Variants in ZNF732 observed in about 807,000 individuals in gnomAD.
ZNF732 encodes zinc finger protein 732, also known as zinc finger protein LOC654254.
Under a neutral mutation model 11.5 loss-of-function variants are expected in ZNF732, and 12 were observed. The observed-to-expected ratio is 1.05, with a 90% CI of 0.67 to 1.70. The LOEUF is 1.70. Among genes scored for constraint, ZNF732 ranks in the 40% most tolerant of loss-of-function variants. The pLI is 0.00. For missense variants in ZNF732, 702 were observed against 676.9 expected (o/e 1.04, Z -0.41); for synonymous variants, 231 against 236.5 (o/e 0.98, Z 0.21).
At chr4:295,347 C>T in intron 3 of ZNF732, 91 bp downstream of exon 3, 2 of 1,010,230 alleles carry the variant, frequency 2.0e-6, no homozygotes, top group Non-Finnish European at 2.9e-6. Context: ...TTCACTGGAG[C>T]AGAGCTTCCC....
chr4:303,141 C>T (rs145537558), intron 1 of ZNF732, among the ~76,000 whole-genome samples: 1,659 of 152,284 alleles, frequency 0.011, 24 homozygotes, highest in Non-Finnish European at 0.02. Flanking sequence ...ATCTTAAAGC[C>T]CCTGCACCTG....
chr4:295,585 T>C lies in ZNF732; in HGVS notation c.131-52A>G. Reference sequence around the variant, plus strand: ...TACTGTTAGGGATTCTCCAATTACCTACCTAATACTATACTAAGTAGAAAA... The same window carrying C: ...TACTGTTAGGGATTCTCCAATTACCCACCTAATACTATACTAAGTAGAAAA... On this transcript the variant is annotated intron_variant, in intron 2 of 3. Coordinates refer to ENST00000419098, the MANE Select transcript of ZNF732 (RefSeq NM_001137608.3). The C allele has an allele frequency of 8.6e-6, 12 of 1,390,000 alleles. No individual in the cohort carries two copies. The South Asian group carries it at 1.1e-4, about 13-fold the overall frequency. The allele number at this position is 1,390,000 out of a possible 1,614,324, so 86.1% of individuals were successfully genotyped here. A position where few individuals can be genotyped will look rare whatever the true frequency, so the allele number is the denominator to read the frequency against.
chr4:300,173 C>G (rs1553843405), intron 1 of ZNF732, among the ~76,000 whole-genome samples: 1 of 150,676 alleles, frequency 6.6e-6, no homozygotes, highest in African/African-American at 2.4e-5. Flanking sequence ...TAATTTATAG[C>G]CATTTGTGGC....
At chr4:284,178 T>C (rs1719677720) in intron 3 of ZNF732, among the ~76,000 whole-genome samples, 1 of 152,264 alleles carries the variant, frequency 6.6e-6, no homozygotes, top group Admixed American at 6.5e-5. Flanking sequence ...CCCAAAGTGC[T>C]GGGATTATAG....
chr4:297,695 T>TA (rs1719983268), intron 1 of ZNF732, among the ~76,000 whole-genome samples: 1 of 151,090 alleles, frequency 6.6e-6, no homozygotes. Flanking sequence ...TTTAATTTTA[T>TA]AAAAAAGAAT....
intron 1 of ZNF732, among the ~76,000 whole-genome samples, chr4:302,021 T>G (rs1398986529): frequency 2.6e-5 from 4 of 152,210 alleles, no homozygotes; most frequent in Non-Finnish European, 5.9e-5. Flanking sequence ...AATAACTGAT[T>G]GCAGTACTAA....
At chr4:284,406 T>TGTAAC (rs1205471875) in intron 3 of ZNF732, among the ~76,000 whole-genome samples, 4 of 151,982 alleles carry the variant, frequency 2.6e-5, no homozygotes, top group African/African-American at 9.7e-5. Flanking sequence ...ATATCAAAAG[T>TGTAAC]AGAATGTAAC....
At chr4:301,741 A>G (rs1267435136) in intron 1 of ZNF732, among the ~76,000 whole-genome samples, 2 of 152,210 alleles carry the variant, frequency 1.3e-5, no homozygotes, top group East Asian at 3.8e-4. Context: ...GTGGGGAGGG[A>G]CAGCATTAGG....
chr4:299,273 A>G (rs1380491260), intron 1 of ZNF732, among the ~76,000 whole-genome samples: 3 of 151,342 alleles, frequency 2.0e-5, no homozygotes, highest in Non-Finnish European at 4.4e-5. Flanking sequence ...TATTTGGGCC[A>G]AAACTTGAAG....
chr4:273,080 G>A (rs1415823215), intron 3 of ZNF732, among the ~76,000 whole-genome samples: 3 of 152,066 alleles, frequency 2.0e-5, no homozygotes, highest in African/African-American at 7.2e-5. Flanking sequence ...GAAAGAAATG[G>A]TGATATACTT....
At position 305,421 on chromosome 4, in the gene ZNF732, G is replaced by A. The variant is rs542983184; in HGVS notation, c.-111C>T. On this transcript the variant is annotated 5_prime_UTR_variant, in exon 1 of 4. Coordinates refer to ENST00000419098, the MANE Select transcript of ZNF732 (RefSeq NM_001137608.3). ...ACCGAATCACCGACGCCTCCCTGAG[G>A]GGTGAAAGCACGGCCGTGGAGACCC... The A allele has an allele frequency of 4.8e-5, 72 of 1,504,388 alleles. No individual in the cohort carries two copies. Among genetic ancestry groups the A allele is most frequent in the Admixed American group, 2.7e-4 (15 of 55,590 alleles). 93.2% of individuals were successfully genotyped at this position (1,504,388 alleles called of 1,614,324 possible).
intron 1 of ZNF732, among the ~76,000 whole-genome samples, chr4:298,212 C>G (rs10005733): frequency 0.22 from 32,687 of 151,936 alleles, 3,732 homozygotes; most frequent in South Asian, 0.35. Context: ...GGGAAGTAAC[C>G]CAAATGAAGC....
chr4:291,848 T>C (rs1003437273), intron 3 of ZNF732, among the ~76,000 whole-genome samples: 3 of 152,182 alleles, frequency 2.0e-5, no homozygotes, highest in Non-Finnish European at 2.9e-5. Flanking sequence ...CAAAAGAGTA[T>C]GGTATGTGCA....
Position 305,432 on chromosome 4 carries a change from C to G in ZNF732, c.-122G>C. On this transcript the variant is annotated 5_prime_UTR_variant, in exon 1 of 4. Coordinates refer to ENST00000419098, the MANE Select transcript of ZNF732 (RefSeq NM_001137608.3). ...GACGCCTCCCTGAGGGGTGAAAGCA[C>G]GGCCGTGGAGACCCTAACCGAGCTC... 7.0e-6 allele frequency: 10 copies of G among 1,434,314 alleles called. No individual in the cohort carries two copies. Among genetic ancestry groups the G allele is most frequent in the Non-Finnish European group, 9.6e-6 (10 of 1,045,072 alleles). The allele number at this position is 1,434,314 out of a possible 1,614,324, so 88.8% of individuals were successfully genotyped here.
At position 271,625 on chromosome 4, in the gene ZNF732, A is replaced by G. The variant is rs61792074; in HGVS notation, c.1232T>C (p.Ile411Thr). The G allele has an allele frequency of 6.2e-7, 1 of 1,611,704 alleles. No homozygotes were observed. The highest frequency in any genetic ancestry group is 8.5e-7 in the Non-Finnish European group (1 of 1,178,744). ...TTTGTGGGGCCTCTCTCCAGTATGAATTCTCTTATGTTCATTAAGGGTTGT... is the reference window on the plus strand; with the variant it reads ...TTTGTGGGGCCTCTCTCCAGTATGAGTTCTCTTATGTTCATTAAGGGTTGT... Reference protein sequence around the residue: ...RFTTLNEHKRIHTGERPHKCE... With the variant: ...RFTTLNEHKRTHTGERPHKCE... The change falls in exon 4 of 4, where the codon ATT becomes ACT. Residue 411 changes from isoleucine to threonine, a missense_variant. Transcript: ENST00000419098.
At chr4:289,131 T>G (rs899292423) in intron 3 of ZNF732, among the ~76,000 whole-genome samples, 5 of 152,178 alleles carry the variant, frequency 3.3e-5, no homozygotes, top group African/African-American at 1.2e-4. Flanking sequence ...GGAGCAAGTG[T>G]GTGGAAGAAG....
At chr4:298,484 G>A (rs1720009797) in intron 1 of ZNF732, among the ~76,000 whole-genome samples, 1 of 152,146 alleles carries the variant, frequency 6.6e-6, no homozygotes, top group Non-Finnish European at 1.5e-5. Context: ...TCTTTGAGGG[G>A]AGAAACAAAC....
At chr4:303,172 A>G (rs1364839712) in intron 1 of ZNF732, among the ~76,000 whole-genome samples, 1 of 152,194 alleles carries the variant, frequency 6.6e-6, no homozygotes, top group Non-Finnish European at 1.5e-5. Context: ...CTTTCCTGTA[A>G]CCATTTATCC....
intron 3 of ZNF732, among the ~76,000 whole-genome samples, chr4:287,730 G>A (rs997451666): frequency 4.0e-5 from 6 of 151,720 alleles, no homozygotes; most frequent in East Asian, 1.9e-4. Flanking sequence ...TGCAAGCTCC[G>A]CCTCCCGGTT....
Sources: allele counts gnomAD v4.1 joint callset (sites outside exome capture counted in the v4.1 genomes callset), GRCh38; gene constraint gnomAD v4.1.1; transcripts MANE v1.5; gene names NCBI Gene and HGNC (gene_info 2026-07-23, HGNC 2026-07-21).